PLS3: variants seen among roughly 807,000 people sequenced by gnomAD.
PLS3 encodes plastin 3.
In PLS3, 11 loss-of-function variants were observed where a neutral mutation model predicts 46.5. The ratio of observed to expected loss-of-function variants is 0.24; its 90% CI spans 0.15 to 0.39. The LOEUF is 0.39. Among genes scored for constraint, PLS3 ranks in the 10% least tolerant of loss-of-function variants. PLS3 has a pLI of 1.00. For missense variants in PLS3, 308 were observed against 461.8 expected, an observed-to-expected ratio of 0.67 and a Z score of 3.05; for synonymous variants, 167 against 162.2, an observed-to-expected ratio of 1.03 and a Z score of -0.22.
chrX:115,607,123 C>G (rs1325512171), intron 1 of PLS3, among the ~76,000 whole-genome samples: 2 of 110,483 alleles, frequency 1.8e-5, no homozygotes, highest in Non-Finnish European at 3.8e-5. Context: ...CATGGTGTCC[C>G]ACGGCTATAG....
chrX:115,593,169 T>C (rs2074357114), intron 1 of PLS3, among the ~76,000 whole-genome samples: 1 of 111,153 alleles, frequency 9.0e-6, no homozygotes, highest in African/African-American at 3.3e-5. Flanking sequence ...GCAAGTAATG[T>C]TCTTGACTAT....
intron 9 of PLS3, among the ~76,000 whole-genome samples, chrX:115,640,797 C>T (rs1355379839): frequency 9.0e-6 from 1 of 111,500 alleles, no homozygotes; most frequent in Non-Finnish European, 1.9e-5. Flanking sequence ...ATTTGGATTA[C>T]AACCACAGTA....
chrX:115,629,923 C>T lies in PLS3; in HGVS notation c.456C>T (p.Asn152=), dbSNP rs2074747155. ...GACATGTTATACCAATGAACCCTAA[C>T]ACCGATGACCTGTTCAAAGCTGTTG... ...DCRHVIPMNP[N]TDDLFKAVGD... The change falls in exon 5 of 16, where the codon AAC becomes AAT. Residue 152 remains asparagine, a synonymous_variant. Transcript: ENST00000355899. 1.7e-6 allele frequency: 2 copies of T among 1,182,654 alleles called. No homozygotes were observed. Among genetic ancestry groups the T allele is most frequent in the Admixed American group, 2.2e-5 (1 of 44,620 alleles).
At chrX:115,640,537 T>C (rs1556640892) in intron 9 of PLS3, 34 bp downstream of exon 9, 1 of 785,649 alleles carries the variant, frequency 1.3e-6, no homozygotes, top group East Asian at 3.2e-5. Context: ...TTCTACAATC[T>C]TGCAAAATTA....
At chrX:115,574,844 A>T (rs1000485170) in intron 1 of PLS3, among the ~76,000 whole-genome samples, 3 of 112,340 alleles carry the variant, frequency 2.7e-5, no homozygotes, top group Admixed American at 9.4e-5. Context: ...TTCCCAAAGT[A>T]CTGGGATTAT....
chrX:115,621,218 T>C (rs1556637518), intron 2 of PLS3, among the ~76,000 whole-genome samples: 1 of 109,599 alleles, frequency 9.1e-6, no homozygotes, highest in African/African-American at 3.3e-5. Context: ...TTTCACCATG[T>C]TGGCCAGGCT....
At chrX:115,565,483 T>C (rs2074166512) in intron 1 of PLS3, among the ~76,000 whole-genome samples, 1 of 111,636 alleles carries the variant, frequency 9.0e-6, no homozygotes, top group African/African-American at 3.3e-5. Flanking sequence ...TGACTCATAA[T>C]TTGACCTTCG....
chrX:115,584,963 A>G, intron 1 of PLS3, among the ~76,000 whole-genome samples: 1 of 111,423 alleles, frequency 9.0e-6, no homozygotes, highest in African/African-American at 3.3e-5. Flanking sequence ...TTCCTTTTAT[A>G]GAGGGAAACC....
intron 2 of PLS3, among the ~76,000 whole-genome samples, chrX:115,619,643 AC>A (rs1258391877): frequency 8.9e-6 from 1 of 112,921 alleles, no homozygotes; most frequent in Non-Finnish European, 1.9e-5. Flanking sequence ...TAAGTGCTTT[AC>A]CTCAAAGGAA....
rs185378190 is a variant in PLS3 at position 115,602,924 on chromosome X, G to T, written c.-8-7319G>T. Among the ~76,000 whole-genome samples, 3 of 110,193 alleles carry T rather than the reference G, an allele frequency of 2.7e-5. 1 individual carries two copies. The Admixed American group carries it at 2.9e-4, about 11-fold the overall frequency. ...GGTTACCCCCAGATGAGTTTCCCACGTGCATTCTCTTTCTCCTGGACCTCA... is the reference window on the plus strand; with the variant it reads ...GGTTACCCCCAGATGAGTTTCCCACTTGCATTCTCTTTCTCCTGGACCTCA... On this transcript the variant is annotated intron_variant, in intron 1 of 15. Coordinates refer to ENST00000355899, the MANE Select transcript of PLS3 (RefSeq NM_005032.7).
intron 8 of PLS3, chrX:115,639,587 G>A (rs1263046970): frequency 3.7e-6 from 1 of 273,562 alleles, no homozygotes; most frequent in Middle Eastern, 5.0e-4. Flanking sequence ...GTAGCTGGAA[G>A]GTGGTCTTCA....
In PLS3 at chrX:115,593,178, A is replaced by G. The variant is rs781800181; in HGVS notation, c.-8-17065A>G. The stretch of plus-strand genomic sequence containing the variant: ...GCCTTCGCAAGTAATGTTCTTGACT[A>G]TGGACGAGTGACTTGGGCACTGGGG... On this transcript the variant is annotated intron_variant, in intron 1 of 15. Transcript: ENST00000355899. 6.3e-5 allele frequency among the ~76,000 whole-genome samples: 7 copies of G among 111,281 alleles called. No homozygotes were observed. In the South Asian group the frequency reaches 1.9e-3, roughly 30 times the overall value.
intron 1 of PLS3, among the ~76,000 whole-genome samples, chrX:115,600,766 T>C (rs2074434987): frequency 9.0e-6 from 1 of 111,517 alleles, no homozygotes. Context: ...GTGGCAAGAT[T>C]CTAAATTCTC....
chrX:115,625,324 CGT>C (rs1256931370), intron 3 of PLS3, among the ~76,000 whole-genome samples: 1 of 109,064 alleles, frequency 9.2e-6, no homozygotes, highest in African/African-American at 3.3e-5. Context: ...TGTGTGCGCG[CGT>C]GTGTGTGTGT....
At chrX:115,612,466 G>A (rs1213540151) in intron 2 of PLS3, among the ~76,000 whole-genome samples, 1 of 110,977 alleles carries the variant, frequency 9.0e-6, no homozygotes, top group African/African-American at 3.3e-5. Context: ...TTCTAATTCA[G>A]GGACACTTTA....
chrX:115,607,944 A>T (rs1222637707), intron 1 of PLS3, among the ~76,000 whole-genome samples: 2 of 112,185 alleles, frequency 1.8e-5, no homozygotes, highest in Non-Finnish European at 3.8e-5. Flanking sequence ...CAGTCCTGAG[A>T]GCCCAGGTCT....
At chrX:115,592,164 T>A (rs2074349900) in intron 1 of PLS3, among the ~76,000 whole-genome samples, 1 of 111,876 alleles carries the variant, frequency 8.9e-6, no homozygotes, top group African/African-American at 3.3e-5. Context: ...TGTTGTGTAT[T>A]ATTTATGAAG....
chrX:115,604,965 C>T (rs1556635095), intron 1 of PLS3, among the ~76,000 whole-genome samples: 2 of 111,827 alleles, frequency 1.8e-5, no homozygotes, highest in African/African-American at 6.5e-5. Flanking sequence ...AAGAAATCTA[C>T]ATTAAACAAC....
intron 6 of PLS3, 132 bp from the exon 7 acceptor site, chrX:115,634,749 G>A (rs782679478): frequency 1.3e-4 from 75 of 595,253 alleles, no homozygotes; most frequent in Non-Finnish European, 1.6e-4. Context: ...TGTTTTTTGT[G>A]ACACATATAT....
Sources: gnomAD v4.1 joint callset for allele counts (sites outside exome capture counted in the v4.1 genomes callset) on GRCh38, gnomAD v4.1.1 for gene constraint, MANE v1.5 for transcripts, NCBI Gene and HGNC (gene_info 2026-07-23, HGNC 2026-07-21) for gene names.